Variants in NTN4 observed in about 807,000 individuals in gnomAD.
NTN4 encodes the protein netrin 4.
In NTN4, 32 loss-of-function variants were observed where a neutral mutation model predicts 73.6. That is an observed-to-expected ratio of 0.44 (90% CI 0.33 to 0.58). The LOEUF is 0.58. Ranked by LOEUF, NTN4 falls within the 20% of genes least tolerant of loss-of-function variation. The pLI, the probability that NTN4 is intolerant of heterozygous loss-of-function variation, is 0.04. For missense variants in NTN4, 654 were observed against 798.3 expected (o/e 0.82, Z 2.18); for synonymous variants, 258 against 287.5 (o/e 0.90, Z 1.04).
intron 3 of NTN4, among the ~76,000 whole-genome samples, chr12:95,726,983 T>A (rs1165077939): frequency 6.6e-6 from 1 of 151,718 alleles, no homozygotes; most frequent in Non-Finnish European, 1.5e-5. Flanking sequence ...AAAAAAAAAT[T>A]TTTTTGGGGA....
At chr12:95,741,071 C>G (rs1359705245) in intron 2 of NTN4, among the ~76,000 whole-genome samples, 4 of 152,064 alleles carry the variant, frequency 2.6e-5, no homozygotes, top group African/African-American at 9.7e-5. Flanking sequence ...TTTAGCCAGG[C>G]TGCTATTGTT....
At chr12:95,703,762 AT>A (rs1192741911) in intron 5 of NTN4, among the ~76,000 whole-genome samples, 1 of 152,108 alleles carries the variant, frequency 6.6e-6, no homozygotes, top group Non-Finnish European at 1.5e-5. Flanking sequence ...CCTCTACATA[AT>A]TTATTCTAAA....
At chr12:95,739,207 G>A (rs2078804768) in intron 2 of NTN4, among the ~76,000 whole-genome samples, 2 of 152,148 alleles carry the variant, frequency 1.3e-5, no homozygotes, top group South Asian at 4.1e-4. Context: ...TGTGTAATAG[G>A]TGAGAATTCC....
chr12:95,696,840 G>A (rs2078445853), intron 5 of NTN4, among the ~76,000 whole-genome samples: 1 of 152,092 alleles, frequency 6.6e-6, no homozygotes, highest in African/African-American at 2.4e-5. Flanking sequence ...TATATTTAAT[G>A]CTTCAGTCAG....
intron 5 of NTN4, among the ~76,000 whole-genome samples, chr12:95,702,936 C>T (rs1356067133): frequency 1.4e-5 from 2 of 148,080 alleles, no homozygotes; most frequent in African/African-American, 5.0e-5. Context: ...TGGCTCACTG[C>T]AACCTCTGCC....
intron 2 of NTN4, among the ~76,000 whole-genome samples, chr12:95,738,612 G>A (rs574669661): frequency 6.6e-6 from 1 of 152,326 alleles, no homozygotes; most frequent in African/African-American, 2.4e-5. Flanking sequence ...GTAGAGTTAT[G>A]CTGACTGTAG....
At chr12:95,735,317 C>T (rs2078768086) in intron 3 of NTN4, among the ~76,000 whole-genome samples, 1 of 152,082 alleles carries the variant, frequency 6.6e-6, no homozygotes, top group Admixed American at 6.6e-5. Context: ...TCAACATAGT[C>T]TTGGCCACTT....
chr12:95,699,003 C>T (rs1184367340), intron 5 of NTN4, among the ~76,000 whole-genome samples: 4 of 146,496 alleles, frequency 2.7e-5, no homozygotes, highest in Admixed American at 1.4e-4. Flanking sequence ...ACTTCTTAAA[C>T]TCTGGTTTTA....
intron 2 of NTN4, among the ~76,000 whole-genome samples, chr12:95,780,877 T>C (rs1457026826): frequency 1.3e-5 from 2 of 152,170 alleles, no homozygotes; most frequent in South Asian, 2.1e-4. Flanking sequence ...CTATTCACAA[T>C]AGCAAAGACT....
At chr12:95,679,288 T>C (rs1393192808) in intron 7 of NTN4, among the ~76,000 whole-genome samples, 3 of 152,214 alleles carry the variant, frequency 2.0e-5, no homozygotes, top group Non-Finnish European at 4.4e-5. Flanking sequence ...TATAAAACTG[T>C]AATAATATAT....
Position 95,710,499 on chromosome 12 carries a change from G to T in NTN4, c.1122C>A (p.Cys374Ter). The change falls in exon 5 of 10, where the codon TGC becomes TGA. Residue 374 changes from cysteine to a stop codon, truncating the protein, a stop_gained. Transcript: ENST00000343702. LOFTEE classifies it high-confidence loss of function. ...HNTEGQYCQR[C>*]KPGFYRDLRR... ...GCAGGTCACGATAGAAGCCTGGCTT[G>T]CACCTCTGGCAATACTGTCCTTCTG... The T allele has an allele frequency of 1.2e-6, 2 of 1,614,110 alleles. No homozygotes were observed. Among genetic ancestry groups the T allele is most frequent in the Non-Finnish European group, 1.7e-6 (2 of 1,180,000 alleles).
intron 2 of NTN4, among the ~76,000 whole-genome samples, chr12:95,746,981 G>C (rs1306451057): frequency 6.6e-6 from 1 of 152,172 alleles, no homozygotes; most frequent in African/African-American, 2.4e-5. Context: ...TCCTGGATGA[G>C]AAGTGACATG....
intron 2 of NTN4, among the ~76,000 whole-genome samples, chr12:95,785,052 C>T (rs114164805): frequency 9.2e-5 from 14 of 152,310 alleles, no homozygotes; most frequent in African/African-American, 3.4e-4. Context: ...GCATGCCTGC[C>T]ATCTGGTTAC....
At chr12:95,785,723 G>A (rs952825609) in intron 2 of NTN4, among the ~76,000 whole-genome samples, 1 of 152,090 alleles carries the variant, frequency 6.6e-6, no homozygotes, top group Non-Finnish European at 1.5e-5. Flanking sequence ...TGCCTGAGGG[G>A]GTCAATACAT....
chr12:95,687,307 A>G (rs1482545427), intron 5 of NTN4, among the ~76,000 whole-genome samples: 5 of 152,234 alleles, frequency 3.3e-5, no homozygotes, highest in Non-Finnish European at 5.9e-5. Flanking sequence ...TGAAAAGCAA[A>G]TGACTATAAA....
rs146423625 is a variant in NTN4 at position 95,734,275 on chromosome 12, C to T, written c.864+3591G>A. Among the ~76,000 whole-genome samples the T allele has an allele frequency of 2.1e-4, 32 of 152,182 alleles. No homozygotes were observed. In the South Asian group the frequency reaches 3.5e-3, roughly 17 times the overall value. On this transcript the variant is annotated intron_variant, in intron 3 of 9. Coordinates refer to ENST00000343702, the MANE Select transcript of NTN4 (RefSeq NM_021229.4). ...TTTTAGCAACAATATTAGCCACAGA[C>T]GAACTGGCATAGTCTGTAAAGCAAT...
intron 9 of NTN4, 93 bp downstream of exon 9, chr12:95,665,717 G>T: frequency 1.1e-6 from 1 of 948,116 alleles, no homozygotes; most frequent in South Asian, 2.1e-5. Context: ...TGTTCTTGCT[G>T]AGTTTGTTTA....
chr12:95,721,294 C>T (rs528470898), intron 3 of NTN4, among the ~76,000 whole-genome samples: 5 of 152,266 alleles, frequency 3.3e-5, no homozygotes, highest in East Asian at 1.9e-4. Flanking sequence ...AATGGATTAT[C>T]GGTTCTATTC....
chr12:95,741,306 A>G (rs553559132), intron 2 of NTN4, among the ~76,000 whole-genome samples: 22 of 147,064 alleles, frequency 1.5e-4, no homozygotes, highest in African/African-American at 5.4e-4. Flanking sequence ...TGAATTATAT[A>G]TGATATATAA....
Sources: gnomAD v4.1 joint callset for allele counts (sites outside exome capture counted in the v4.1 genomes callset) on GRCh38, gnomAD v4.1.1 for gene constraint, MANE v1.5 for transcripts, NCBI Gene and HGNC (gene_info 2026-07-23, HGNC 2026-07-21) for gene names.